PDGFC: variants seen among roughly 807,000 people sequenced by gnomAD.
PDGFC encodes platelet derived growth factor C.
In PDGFC, 12 loss-of-function variants were observed where a neutral mutation model predicts 35.5. The ratio of observed to expected loss-of-function variants is 0.34; its 90% CI spans 0.22 to 0.55. The LOEUF is 0.55. PDGFC is among the 20% of genes least tolerant of loss of function. The pLI, the probability that PDGFC is intolerant of heterozygous loss-of-function variation, is 0.91. For missense variants in PDGFC, 322 were observed against 412.4 expected (o/e 0.78, Z 1.90); for synonymous variants, 159 against 148.8 (o/e 1.07, Z -0.50).
chr4:156,969,311 C>T (rs563503942), intron 1 of PDGFC, among the ~76,000 whole-genome samples: 5 of 152,312 alleles, frequency 3.3e-5, no homozygotes, highest in African/African-American at 1.2e-4. Context: ...TGATCACTTT[C>T]CCCCAGACCT....
chr4:156,945,684 C>T (rs1731930703), intron 1 of PDGFC, among the ~76,000 whole-genome samples: 1 of 151,936 alleles, frequency 6.6e-6, no homozygotes, highest in Non-Finnish European at 1.5e-5. Context: ...AGAGCAATTA[C>T]TCATTTGGTC....
At chr4:156,918,497 AG>A (rs1373609214) in intron 1 of PDGFC, among the ~76,000 whole-genome samples, 1 of 152,206 alleles carries the variant, frequency 6.6e-6, no homozygotes, top group Non-Finnish European at 1.5e-5. Context: ...TTGGCCTGTT[AG>A]GAACTGGGCC....
intron 1 of PDGFC, among the ~76,000 whole-genome samples, chr4:156,969,437 T>C (rs1015739992): frequency 1.3e-5 from 2 of 152,242 alleles, no homozygotes; most frequent in Non-Finnish European, 2.9e-5. Context: ...ACCACACTAA[T>C]ATTAGCTGAT....
chr4:156,885,501 A>G (rs1730355226), intron 1 of PDGFC, among the ~76,000 whole-genome samples: 1 of 152,240 alleles, frequency 6.6e-6, no homozygotes, highest in African/African-American at 2.4e-5. Context: ...ATTTCTAACA[A>G]TTTAAATATC....
chr4:156,873,103 A>G (rs1451894266), intron 1 of PDGFC, among the ~76,000 whole-genome samples: 1 of 152,218 alleles, frequency 6.6e-6, no homozygotes, highest in Non-Finnish European at 1.5e-5. Flanking sequence ...TGCCGGGACT[A>G]CAGAGAAAGA....
chr4:156,954,791 C>T (rs1579123499), intron 1 of PDGFC, among the ~76,000 whole-genome samples: 1 of 151,900 alleles, frequency 6.6e-6, no homozygotes, highest in Admixed American at 6.6e-5. Context: ...TTAGGCGCAT[C>T]CCCCAGCTGT....
chr4:156,900,742 G>A (rs1336390504), intron 1 of PDGFC, among the ~76,000 whole-genome samples: 2 of 152,098 alleles, frequency 1.3e-5, no homozygotes, highest in African/African-American at 2.4e-5. Context: ...GGCTGAGGTG[G>A]GAGGATGGCT....
chr4:156,767,894 T>C lies in PDGFC; in HGVS notation c.800A>G (p.Asp267Gly). ...GAGACAACCTGGCCAGAAAATGGTA[T>C]CGGTTCTCTTTAGTTCTTCCCTTAT... ...VSIREELKRT[D>G]TIFWPGCLLV... is the part of the protein sequence containing the mutation. The change falls in exon 5 of 6, where the codon GAT becomes GGT. Residue 267 changes from aspartate to glycine, a missense_variant. Coordinates refer to ENST00000502773, the MANE Select transcript of PDGFC (RefSeq NM_016205.3). 1 of 1,612,984 alleles carries C rather than the reference T, an allele frequency of 6.2e-7. No homozygotes were observed. The highest frequency in any genetic ancestry group is 8.5e-7 in the Non-Finnish European group (1 of 1,179,070).
chr4:156,903,323 C>A (rs1459424177), intron 1 of PDGFC, among the ~76,000 whole-genome samples: 3 of 151,846 alleles, frequency 2.0e-5, no homozygotes, highest in Non-Finnish European at 4.4e-5. Flanking sequence ...TACATGTATA[C>A]ATTTAAGTCC....
chr4:156,840,373 G>T (rs1008106089), intron 2 of PDGFC, among the ~76,000 whole-genome samples: 2 of 152,178 alleles, frequency 1.3e-5, no homozygotes, highest in Non-Finnish European at 2.9e-5. Context: ...AGCCTTGGTA[G>T]CTTCTATGTA....
At chr4:156,812,690 T>C (rs1169089534) in intron 2 of PDGFC, among the ~76,000 whole-genome samples, 1 of 152,136 alleles carries the variant, frequency 6.6e-6, no homozygotes, top group Non-Finnish European at 1.5e-5. Context: ...TCTTAAGGCA[T>C]GGAACTTAAA....
rs73856787 is a variant in PDGFC, at chr4:156,906,916, C to A, written c.119-56500G>T. Among the ~76,000 whole-genome samples, 542 of 152,242 alleles carry A rather than the reference C, an allele frequency of 3.6e-3. 2 individuals carry two copies. Among genetic ancestry groups the A allele is most frequent in the African/African-American group, 0.012 (504 of 41,544 alleles). Reference sequence around the variant, plus strand: ...CTTATGCTGGGATCTCAGCTCTGCCCCTTCCATTTCACCTTGCATGGATAC... The same window carrying A: ...CTTATGCTGGGATCTCAGCTCTGCCACTTCCATTTCACCTTGCATGGATAC... On this transcript the variant is annotated intron_variant, in intron 1 of 5. Coordinates refer to ENST00000502773, the MANE Select transcript of PDGFC (RefSeq NM_016205.3).
chr4:156,844,510 T>A (rs2111065220), intron 2 of PDGFC, among the ~76,000 whole-genome samples: 1 of 152,206 alleles, frequency 6.6e-6, no homozygotes, highest in Non-Finnish European at 1.5e-5. Flanking sequence ...AAGATTTCTT[T>A]GGAATTTTTT....
chr4:156,956,279 A>T lies in PDGFC; in HGVS notation c.118+14507T>A, dbSNP rs142062078. The stretch of plus-strand genomic sequence containing the variant: ...TAGAAGACTGGGGTGACAGCACAGT[A>T]GCCATGGAGAACAACAATGTAGACT... On this transcript the variant is annotated intron_variant, in intron 1 of 5. Coordinates refer to ENST00000502773, the MANE Select transcript of PDGFC (RefSeq NM_016205.3). Among the ~76,000 whole-genome samples the T allele has an allele frequency of 7.8e-3, 1,189 of 152,184 alleles. 13 individuals are homozygous for T. Among genetic ancestry groups the T allele is most frequent in the Non-Finnish European group, 0.013 (885 of 67,960 alleles).
At chr4:156,950,847 CA>C (rs1192513185) in intron 1 of PDGFC, among the ~76,000 whole-genome samples, 1 of 151,650 alleles carries the variant, frequency 6.6e-6, no homozygotes, top group Non-Finnish European at 1.5e-5. Context: ...GCAAAAAGAG[CA>C]AAAGTAAAAT....
chr4:156,767,678 GT>G (rs1730577129), intron 5 of PDGFC, 94 bp downstream of exon 5: 1 of 757,112 alleles, frequency 1.3e-6, no homozygotes, highest in Non-Finnish European at 2.2e-6. Flanking sequence ...TGAATACTAC[GT>G]CTTTTTTCCA....
rs1271906976 is a variant in PDGFC, at chr4:156,762,838, TACA to T, written c.*249_*251del. Reference sequence around the variant, plus strand: ...TGAAACTAGCTGGTGATCTATTTAATACAACATTTAATTTTCTTTCCACGATTG... The same window carrying T: ...TGAAACTAGCTGGTGATCTATTTAATACATTTAATTTTCTTTCCACGATTG... On this transcript the variant is annotated 3_prime_UTR_variant, in exon 6 of 6. Coordinates refer to ENST00000502773, the MANE Select transcript of PDGFC (RefSeq NM_016205.3). The T allele has an allele frequency of 1.8e-5, 7 of 392,884 alleles. No homozygotes were observed. Among genetic ancestry groups the T allele is most frequent in the Non-Finnish European group, 3.3e-5 (7 of 214,654 alleles). The allele number at this position is 392,884 out of a possible 1,614,324, so 24.3% of individuals were successfully genotyped here. A position where few individuals can be genotyped will look rare whatever the true frequency, so the allele number is the denominator to read the frequency against.
intron 1 of PDGFC, among the ~76,000 whole-genome samples, chr4:156,927,302 G>T (rs879387343): frequency 6.6e-6 from 1 of 152,126 alleles, no homozygotes; most frequent in Non-Finnish European, 1.5e-5. Context: ...TTTTCCCATT[G>T]TCTTAAGGTT....
chr4:156,922,260 A>G (rs922596068), intron 1 of PDGFC, among the ~76,000 whole-genome samples: 1 of 151,854 alleles, frequency 6.6e-6, no homozygotes, highest in East Asian at 1.9e-4. Context: ...TCAGCTAAAC[A>G]TTGTTCATGT....
Sources: allele counts gnomAD v4.1 joint callset (sites outside exome capture counted in the v4.1 genomes callset), GRCh38; gene constraint gnomAD v4.1.1; transcripts MANE v1.5; gene names NCBI Gene and HGNC (gene_info 2026-07-23, HGNC 2026-07-21).